Variants in NUGGC observed in about 807,000 individuals in gnomAD.
NUGGC encodes the protein nuclear GTPase, germinal center associated.
NUGGC carries 58 observed loss-of-function variants against 92.6 expected under a neutral mutation model. The observed-to-expected ratio is 0.63, with a 90% confidence interval of 0.51 to 0.78. NUGGC has a LOEUF of 0.78. Among genes scored for constraint, NUGGC ranks in the 30% least tolerant of loss-of-function variants. The pLI is 0.00. For synonymous variants in NUGGC, 376 were observed against 366.4 expected, an observed-to-expected ratio of 1.03 and a Z score of -0.30; for missense variants, 925 against 964.6, an observed-to-expected ratio of 0.96 and a Z score of 0.54.
chr8:28,070,395 G>T (rs1810558665), intron 2 of NUGGC, 39 bp from the exon 3 acceptor site: 1 of 1,130,892 alleles, frequency 8.8e-7, no homozygotes, highest in Non-Finnish European at 1.3e-6. Context: ...TATAGGTGTT[G>T]GGGTATGGTA....
At chr8:28,066,022 T>C (rs62496858) in intron 6 of NUGGC, among the ~76,000 whole-genome samples, 33,278 of 151,930 alleles carry the variant, frequency 0.22, 4,131 homozygotes, top group Middle Eastern at 0.29. Flanking sequence ...GGATCTCCAG[T>C]GGAAACCCTG....
intron 10 of NUGGC, among the ~76,000 whole-genome samples, chr8:28,052,948 C>T (rs986098935): frequency 6.6e-6 from 1 of 152,084 alleles, no homozygotes; most frequent in Admixed American, 6.5e-5. Flanking sequence ...TTGGTGTAGA[C>T]AGTAATTCCA....
intron 10 of NUGGC, among the ~76,000 whole-genome samples, chr8:28,050,424 A>G (rs1412509426): frequency 6.6e-6 from 1 of 152,096 alleles, no homozygotes; most frequent in African/African-American, 2.4e-5. Flanking sequence ...AGGAAAGGAA[A>G]GGAAAGGAAG....
At chr8:28,081,573 A>G (rs1242423364) in intron 1 of NUGGC, among the ~76,000 whole-genome samples, 4 of 152,120 alleles carry the variant, frequency 2.6e-5, no homozygotes, top group Non-Finnish European at 4.4e-5. Context: ...ATGCTCTACC[A>G]TCTTCCTTAA....
At chr8:28,074,544 C>T (rs995723094) in intron 1 of NUGGC, 88 bp from the exon 2 acceptor site, 88 of 813,544 alleles carry the variant, frequency 1.1e-4, no homozygotes, top group African/African-American at 4.7e-4. Context: ...TCTGCTTGTG[C>T]GGTATTTCTG....
chr8:28,065,941 C>G lies in NUGGC; in HGVS notation c.712-1210G>C, dbSNP rs138551545. Reference sequence around the variant, plus strand: ...GGAAAAGGCAGGGGCTTGAAAAGCCCCTTCCTACAAGAGGGCTCAGCCCAA... The same window carrying G: ...GGAAAAGGCAGGGGCTTGAAAAGCCGCTTCCTACAAGAGGGCTCAGCCCAA... On this transcript the variant is annotated intron_variant, in intron 6 of 18. Coordinates refer to ENST00000413272, the MANE Select transcript of NUGGC (RefSeq NM_001010906.2). Among the ~76,000 whole-genome samples the G allele has an allele frequency of 4.9e-4, 75 of 152,268 alleles. No individual in the cohort carries two copies. The Middle Eastern group carries it at 0.01, about 21-fold the overall frequency.
intron 15 of NUGGC, among the ~76,000 whole-genome samples, chr8:28,030,672 C>A (rs1809395105): frequency 6.6e-6 from 1 of 152,202 alleles, no homozygotes; most frequent in East Asian, 1.9e-4. Context: ...GAGTTGAACT[C>A]AGGCACAGGC....
chr8:28,068,262 C>T lies in NUGGC; in HGVS notation c.434G>A (p.Gly145Asp), dbSNP rs957452924. The T allele has an allele frequency of 6.4e-7, 1 of 1,550,652 alleles. No individual in the cohort carries two copies. Among genetic ancestry groups the T allele is most frequent in the South Asian group, 1.2e-5 (1 of 83,990 alleles). The change falls in exon 5 of 19, where the codon GGC becomes GAC. Residue 145 changes from glycine (G) to aspartate (D), a missense_variant. By Grantham distance (94) the Gly-to-Asp change is moderately conservative. Transcript: ENST00000413272. Reference protein sequence around the residue: ...CTSCIVQVSSGCCVQYEAKIH... With the variant: ...CTSCIVQVSSDCCVQYEAKIH... ...TTTGGCCTCATACTGCACACAGCAG[C>T]CAGAGCTCACTTGTACAATGCAGGA...
At chr8:28,064,876 A>AAT in intron 6 of NUGGC, 145 bp from the exon 7 acceptor site, 2 of 648,914 alleles carry the variant, frequency 3.1e-6, no homozygotes, top group Non-Finnish European at 5.3e-6. Context: ...GGTCTGTAGG[A>AAT]CCTAGAACCT....
intron 12 of NUGGC, 78 bp downstream of exon 12, chr8:28,045,447 TAA>T: frequency 7.3e-7 from 1 of 1,364,746 alleles, no homozygotes; most frequent in South Asian, 1.4e-5. Context: ...AAAAATATCA[TAA>T]GTTAATTTTC....
intron 17 of NUGGC, 96 bp from the exon 18 acceptor site, chr8:28,027,148 G>T (rs1202203225): frequency 3.0e-6 from 3 of 983,728 alleles, no homozygotes; most frequent in African/African-American, 1.6e-5. Context: ...AGCCACGGAA[G>T]GTACAGACTG....
intron 13 of NUGGC, among the ~76,000 whole-genome samples, chr8:28,035,483 C>T (rs753505830): frequency 5.9e-5 from 9 of 152,132 alleles, no homozygotes; most frequent in African/African-American, 9.7e-5. Context: ...CCCGGCTGCT[C>T]GCTGGTGCTG....
At chr8:28,079,206 A>G (rs796122797) in intron 1 of NUGGC, among the ~76,000 whole-genome samples, 9 of 152,220 alleles carry the variant, frequency 5.9e-5, no homozygotes, top group African/African-American at 2.2e-4. Flanking sequence ...ACACAAACGC[A>G]GGTCATTCCT....
chr8:28,039,665 C>T (rs1809643940), intron 13 of NUGGC, among the ~76,000 whole-genome samples: 1 of 152,228 alleles, frequency 6.6e-6, no homozygotes, highest in African/African-American at 2.4e-5. Context: ...CCATCACACT[C>T]ACCTTTTCAC....
intron 13 of NUGGC, among the ~76,000 whole-genome samples, chr8:28,038,895 G>A (rs1277152585): frequency 6.6e-6 from 1 of 152,096 alleles, no homozygotes; most frequent in East Asian, 1.9e-4. Flanking sequence ...ATAATAATAA[G>A]GGTGTTTGCC....
intron 1 of NUGGC, among the ~76,000 whole-genome samples, chr8:28,075,900 A>T (rs1563233406): frequency 1.3e-5 from 2 of 152,090 alleles, no homozygotes; most frequent in Non-Finnish European, 2.9e-5. Flanking sequence ...CACTCCTTAC[A>T]GTTCTCCAAA....
chr8:28,047,266 A>G (rs759132710), intron 11 of NUGGC, among the ~76,000 whole-genome samples: 1 of 152,154 alleles, frequency 6.6e-6, no homozygotes, highest in Non-Finnish European at 1.5e-5. Flanking sequence ...CACTGCGCCC[A>G]GCAACCCAAT....
chr8:28,070,768 G>A (rs1202685847), intron 2 of NUGGC, among the ~76,000 whole-genome samples: 1 of 150,674 alleles, frequency 6.6e-6, no homozygotes, highest in Non-Finnish European at 1.5e-5. Context: ...GCAAATTTTT[G>A]TAGAGACAGT....
chr8:28,081,782 G>A (rs1175739635), intron 1 of NUGGC, among the ~76,000 whole-genome samples: 1 of 151,946 alleles, frequency 6.6e-6, no homozygotes, highest in East Asian at 1.9e-4. Flanking sequence ...GGAGGCTAAG[G>A]CAGAGGAATC....
Sources: gnomAD v4.1 joint callset for allele counts (sites outside exome capture counted in the v4.1 genomes callset) on GRCh38, gnomAD v4.1.1 for gene constraint, MANE v1.5 for transcripts, NCBI Gene and HGNC (gene_info 2026-07-23, HGNC 2026-07-21) for gene names.